Variants in STC1 observed in about 807,000 individuals in gnomAD.
The protein encoded by STC1 is stanniocalcin 1, also known as stanniocalcin-1.
Under a neutral mutation model 22.6 loss-of-function variants are expected in STC1, and 7 were observed. The ratio of observed to expected loss-of-function variants is 0.31; its 90% CI spans 0.18 to 0.58. The LOEUF (loss-of-function observed/expected upper bound fraction) is 0.58. Ranked by LOEUF, STC1 falls within the 20% of genes least tolerant of loss-of-function variation. The probability of loss-of-function intolerance (pLI) is 0.89; values close to 1 mark genes in which losing one functional copy is unlikely to be tolerated. For synonymous variants in STC1, 113 were observed against 120.7 expected (o/e 0.94, Z 0.42); for missense variants, 224 against 311.0 (o/e 0.72, Z 2.10).
chr8:23,848,644 G>T (rs1445168135), intron 3 of STC1, among the ~76,000 whole-genome samples: 1 of 150,620 alleles, frequency 6.6e-6, no homozygotes, highest in Non-Finnish European at 1.5e-5. Flanking sequence ...TGATCACCCA[G>T]CCCGAAAGGA....
intron 3 of STC1, among the ~76,000 whole-genome samples, chr8:23,846,157 T>A (rs913189712): frequency 6.6e-6 from 1 of 152,194 alleles, no homozygotes; most frequent in Non-Finnish European, 1.5e-5. Flanking sequence ...CCAAAACCCC[T>A]TGTGTTTGGT....
intron 3 of STC1, among the ~76,000 whole-genome samples, chr8:23,850,043 G>C (rs1443584532): frequency 6.6e-6 from 1 of 152,184 alleles, no homozygotes; most frequent in African/African-American, 2.4e-5. Flanking sequence ...TCACTTCCAA[G>C]GACTAGAGAA....
chr8:23,842,635 A>G lies in STC1; in HGVS notation c.*2135T>C, dbSNP rs1802527728. ...AAATGGACACAACACACAAACTTTA[A>G]TAGCTTTTCTGATTCAGAGAAGTCA... On this transcript the variant is annotated 3_prime_UTR_variant, in exon 4 of 4. Coordinates refer to ENST00000290271, the MANE Select transcript of STC1 (RefSeq NM_003155.3). 4 of 152,370 alleles carry G rather than the reference A, an allele frequency of 2.6e-5. No individual in the cohort carries two copies. In the South Asian group the frequency reaches 8.3e-4, roughly 32 times the overall value. The allele number at this position is 152,370 out of a possible 1,614,324, so 9.4% of individuals were successfully genotyped here.
chr8:23,848,105 A>C (rs2117739990), intron 3 of STC1, among the ~76,000 whole-genome samples: 1 of 152,362 alleles, frequency 6.6e-6, no homozygotes, highest in South Asian at 2.1e-4. Flanking sequence ...AGTTAACCTC[A>C]GCAGTCATCT....
Position 23,842,752 on chromosome 8 carries a change from C to T in STC1, c.*2018G>A, listed in dbSNP as rs1802528938. On this transcript the variant is annotated 3_prime_UTR_variant, in exon 4 of 4. Coordinates refer to ENST00000290271, the MANE Select transcript of STC1 (RefSeq NM_003155.3). ...ATTTCCAAGAGGCTAAGGCAGTGTC[C>T]ATAAGTTTGGGGACCTGGGGATGGG... The T allele has an allele frequency of 6.6e-6, 1 of 152,498 alleles. No individual in the cohort carries two copies. Among genetic ancestry groups the T allele is most frequent in the Admixed American group, 6.6e-5 (1 of 15,242 alleles). 9.4% of individuals were successfully genotyped at this position (152,498 alleles called of 1,614,324 possible). A position where few individuals can be genotyped will look rare whatever the true frequency, so the allele number is the denominator to read the frequency against.
Position 23,844,635 on chromosome 8 carries a change from C to G in STC1, c.*135G>C. On this transcript the variant is annotated 3_prime_UTR_variant, in exon 4 of 4. Transcript: ENST00000290271. ...TTGATTACAGAAGCCTAGTTTCATG[C>G]AATTTTCTTTAAGGGGGATAGAAAA... 2 of 1,021,860 alleles carry G rather than the reference C, an allele frequency of 2.0e-6. No homozygotes were observed. Among genetic ancestry groups the G allele is most frequent in the Admixed American group, 2.8e-5 (1 of 35,748 alleles). The allele number at this position is 1,021,860 out of a possible 1,614,324, so 63.3% of individuals were successfully genotyped here. A position where few individuals can be genotyped will look rare whatever the true frequency, so the allele number is the denominator to read the frequency against.
chr8:23,852,326 G>A lies in STC1; in HGVS notation c.177C>T (p.Cys59=). ...ALQVGCGAFA[C]LENSTCDTDG... ...CTGTGTCACAGGTGGAGTTTTCCAG[G>A]CATGCAAAAGCCCCGCAGCCGACCT... The change falls in exon 2 of 4, where the codon TGC becomes TGT. Residue 59 remains cysteine, a synonymous_variant. Coordinates refer to ENST00000290271, the MANE Select transcript of STC1 (RefSeq NM_003155.3). 4 of 1,613,930 alleles carry A rather than the reference G, an allele frequency of 2.5e-6. No individual in the cohort carries two copies. The highest frequency in any genetic ancestry group is 3.4e-6 in the Non-Finnish European group (4 of 1,179,936).
At position 23,854,587 on chromosome 8, in the gene STC1, C is replaced by T; in HGVS notation, c.-64G>A. 7.6e-7 allele frequency: 1 copy of T among 1,319,350 alleles called. No individual in the cohort carries two copies. The highest frequency in any genetic ancestry group is 1.1e-6 in the Non-Finnish European group (1 of 912,662). The allele number at this position is 1,319,350 out of a possible 1,614,324, so 81.7% of individuals were successfully genotyped here. On this transcript the variant is annotated 5_prime_UTR_variant, in exon 1 of 4. Transcript: ENST00000290271. ...TTTTCCTGCCCCCCTTTCCTCTTTC[C>T]CTCTCCTGGCTTGAGTGAAGATGTG...
chr8:23,849,349 T>C (rs571368579), intron 3 of STC1, among the ~76,000 whole-genome samples: 1 of 152,280 alleles, frequency 6.6e-6, no homozygotes, highest in Admixed American at 6.5e-5. Flanking sequence ...TATAGCCTGT[T>C]AAAGTGAAAT....
chr8:23,851,646 C>T lies in STC1; in HGVS notation c.262-115G>A, dbSNP rs1216255233. 2.4e-5 allele frequency: 19 copies of T among 794,820 alleles called. 1 individual carries two copies. Among genetic ancestry groups the T allele is most frequent in the Non-Finnish European group, 2.1e-5 (10 of 484,622 alleles). 49.2% of individuals were successfully genotyped at this position (794,820 alleles called of 1,614,324 possible). On this transcript the variant is annotated intron_variant, in intron 2 of 3. Coordinates refer to ENST00000290271, the MANE Select transcript of STC1 (RefSeq NM_003155.3). The stretch of plus-strand genomic sequence containing the variant: ...CTGGGCAACGTATCATGGCCATCTG[C>T]ATATCCTTGCAATGAGAAGATTGCA...
chr8:23,851,588 G>A, intron 2 of STC1, 57 bp from the exon 3 acceptor site: 1 of 1,542,342 alleles, frequency 6.5e-7, no homozygotes, highest in South Asian at 1.1e-5. Flanking sequence ...AAAGAGGATG[G>A]GCATATACAT....
At chr8:23,848,306 T>C (rs1345996366) in intron 3 of STC1, among the ~76,000 whole-genome samples, 1 of 151,878 alleles carries the variant, frequency 6.6e-6, no homozygotes, top group African/African-American at 2.4e-5. Flanking sequence ...CCAAGATGGG[T>C]GGATCACCTG....
At chr8:23,849,175 C>T (rs1358622983) in intron 3 of STC1, among the ~76,000 whole-genome samples, 2 of 152,190 alleles carry the variant, frequency 1.3e-5, no homozygotes, top group Non-Finnish European at 2.9e-5. Context: ...GAACCTGTAA[C>T]TACTTCCTCT....
At chr8:23,849,597 A>C (rs1423571260) in intron 3 of STC1, among the ~76,000 whole-genome samples, 1 of 152,198 alleles carries the variant, frequency 6.6e-6, no homozygotes, top group Non-Finnish European at 1.5e-5. Flanking sequence ...GAGTAGCTAT[A>C]TAGTTCTGCC....
chr8:23,847,676 A>G (rs1206573729), intron 3 of STC1, among the ~76,000 whole-genome samples: 18 of 152,210 alleles, frequency 1.2e-4, no homozygotes, highest in Admixed American at 1.2e-3. Flanking sequence ...CTTGCCAATG[A>G]CATAGCCCTT....
Position 23,854,418 on chromosome 8 carries a change from C to T in STC1, c.106G>A (p.Ala36Thr), listed in dbSNP as rs1410142187. 1.9e-6 allele frequency: 3 copies of T among 1,613,992 alleles called. No individual in the cohort carries two copies. The African/African-American group carries it at 4.0e-5, about 22-fold the overall frequency. ...SVSPRKSRVA[A>T]QNSAEVVRCL... is the part of the protein sequence containing the mutation. ...GTTTGCTGCTTACCTGAGTTTTGAG[C>T]CGCCACTCGGGATTTCCTGGGGCTC... The change falls in exon 1 of 4, where the codon GCT (alanine) becomes ACT (threonine). Residue 36 changes from alanine to threonine, a missense_variant. Coordinates refer to ENST00000290271, the MANE Select transcript of STC1 (RefSeq NM_003155.3).
At chr8:23,850,772 GC>G (rs2117742982) in intron 3 of STC1, among the ~76,000 whole-genome samples, 1 of 152,232 alleles carries the variant, frequency 6.6e-6, no homozygotes, top group East Asian at 1.9e-4. Flanking sequence ...CAGCCATTTT[GC>G]TTTTTACAAA....
chr8:23,843,403 G>C lies in STC1; in HGVS notation c.*1367C>G, dbSNP rs1214939265. On this transcript the variant is annotated 3_prime_UTR_variant, in exon 4 of 4. Coordinates refer to ENST00000290271, the MANE Select transcript of STC1 (RefSeq NM_003155.3). Reference sequence around the variant, plus strand: ...CGTGCTACAGGACGAAAATGTAAGAGAAGTCTATTAAGGCTGGACAGCCCA... The same window carrying C: ...CGTGCTACAGGACGAAAATGTAAGACAAGTCTATTAAGGCTGGACAGCCCA... 6.6e-6 allele frequency: 1 copy of C among 152,402 alleles called. No individual in the cohort carries two copies. Among genetic ancestry groups the C allele is most frequent in the Non-Finnish European group, 1.5e-5 (1 of 68,040 alleles). The allele number at this position is 152,402 out of a possible 1,614,324, so 9.4% of individuals were successfully genotyped here.
chr8:23,848,900 A>C (rs1350246968), intron 3 of STC1, among the ~76,000 whole-genome samples: 1 of 152,098 alleles, frequency 6.6e-6, no homozygotes, highest in African/African-American at 2.4e-5. Flanking sequence ...AAGCTTTGTC[A>C]GTTTTCCCAC....
Sources: allele counts gnomAD v4.1 joint callset (sites outside exome capture counted in the v4.1 genomes callset), GRCh38; gene constraint gnomAD v4.1.1; transcripts MANE v1.5; gene names NCBI Gene and HGNC (gene_info 2026-07-23, HGNC 2026-07-21).